AUTS2: variants seen among roughly 807,000 people sequenced by gnomAD.
AUTS2 encodes autism susceptibility gene 2 protein.
Under a neutral mutation model 112.4 loss-of-function variants are expected in AUTS2, and 17 were observed. The ratio of observed to expected loss-of-function variants is 0.15; its 90% CI spans 0.10 to 0.23. The LOEUF (loss-of-function observed/expected upper bound fraction) is 0.23. AUTS2 is among the 10% of genes least tolerant of loss of function. The pLI is 1.00. For missense variants in AUTS2, 1,510 were observed against 1,701.6 expected (o/e 0.89, Z 1.98); for synonymous variants, 751 against 702.7 (o/e 1.07, Z -1.09).
intron 4 of AUTS2, among the ~76,000 whole-genome samples, chr7:70,183,057 A>G (rs1360213701): frequency 6.6e-6 from 1 of 152,206 alleles, no homozygotes; most frequent in African/African-American, 2.4e-5. Flanking sequence ...GTGGTTTGAT[A>G]AATTATATCA....
intron 4 of AUTS2, among the ~76,000 whole-genome samples, chr7:70,355,640 T>C (rs1366805853): frequency 6.6e-6 from 1 of 152,154 alleles, no homozygotes; most frequent in Non-Finnish European, 1.5e-5. Context: ...CAGGTCTTTT[T>C]TCCCTGCCAG....
At chr7:70,341,549 A>G (rs746422647) in intron 4 of AUTS2, among the ~76,000 whole-genome samples, 2 of 152,196 alleles carry the variant, frequency 1.3e-5, no homozygotes, top group African/African-American at 4.8e-5. Context: ...AAAAACTGTG[A>G]TATTTTACTA....
At chr7:70,540,331 G>C (rs887421569) in intron 5 of AUTS2, among the ~76,000 whole-genome samples, 22 of 152,184 alleles carry the variant, frequency 1.4e-4, no homozygotes, top group Admixed American at 7.2e-4. Context: ...TAGCAGATAT[G>C]TGGGGAGCCT....
rs1324407316 is a variant in AUTS2, at chr7:70,789,938, G to A, written c.2722G>A (p.Glu908Lys). 1 of 1,613,952 alleles carries A rather than the reference G, an allele frequency of 6.2e-7. No individual in the cohort carries two copies. Among genetic ancestry groups the A allele is most frequent in the Non-Finnish European group, 8.5e-7 (1 of 1,179,996 alleles). The change falls in exon 19 of 19, where the codon GAG becomes AAG. Residue 908 changes from glutamate to lysine, a missense_variant. By Grantham distance (56) the Glu-to-Lys change is moderately conservative. Around this residue, in one of 3 missense-constraint regions of AUTS2, gnomAD observed 788 missense variants for 797.6 expected, o/e 0.99. Transcript: ENST00000342771. ...ATCCCGCAAGGACCTGGCCGCCGACGAGCACAAGGCGAAAGAGGGCCACCT... is the reference window on the plus strand; with the variant it reads ...ATCCCGCAAGGACCTGGCCGCCGACAAGCACAAGGCGAAAGAGGGCCACCT... ...SESRKDLAAD[E>K]HKAKEGHLPE...
chr7:70,426,774 A>G (rs992808104), intron 4 of AUTS2, among the ~76,000 whole-genome samples: 3 of 152,206 alleles, frequency 2.0e-5, no homozygotes, highest in African/African-American at 7.2e-5. Context: ...TAGCTAGCTC[A>G]TATCACTGCA....
In AUTS2 at chr7:69,730,982, A is replaced by G. The variant is rs997740761; in HGVS notation, c.309+131020A>G. ...ATTACTAGAAAAATAAACACTGGCA[A>G]TATAGATAGTGGTTAAAAAACATGG... is the stretch of plus-strand genomic sequence containing the variant. On this transcript the variant is annotated intron_variant, in intron 1 of 18. Coordinates refer to ENST00000342771, the MANE Select transcript of AUTS2 (RefSeq NM_015570.4). Among the ~76,000 whole-genome samples the G allele has an allele frequency of 2.6e-5, 4 of 152,192 alleles. No homozygotes were observed. In the East Asian group the frequency reaches 7.7e-4, roughly 29 times the overall value.
At chr7:69,770,570 A>G (rs578048524) in intron 1 of AUTS2, among the ~76,000 whole-genome samples, 3 of 151,954 alleles carry the variant, frequency 2.0e-5, no homozygotes, top group African/African-American at 4.8e-5. Flanking sequence ...GAGCTACATG[A>G]CATGTAGAGT....
chr7:70,100,184 T>C (rs889740189), intron 2 of AUTS2, among the ~76,000 whole-genome samples: 3 of 152,192 alleles, frequency 2.0e-5, no homozygotes, highest in African/African-American at 7.2e-5. Context: ...TTTACTGGCT[T>C]CCATATTAAT....
chr7:70,734,140 A>G (rs1787630194), intron 6 of AUTS2, among the ~76,000 whole-genome samples: 1 of 152,014 alleles, frequency 6.6e-6, no homozygotes, highest in African/African-American at 2.4e-5. Flanking sequence ...TCGTTTGTCC[A>G]GATACCATGA....
rs560410806 is a variant in AUTS2, at chr7:69,716,146, C to T, written c.309+116184C>T. ...AACTCCTGTCAAATGATAAGATTGA[C>T]ATTTTTCATTTTTGAAGTTCTAAAT... On this transcript the variant is annotated intron_variant, in intron 1 of 18. Coordinates refer to ENST00000342771, the MANE Select transcript of AUTS2 (RefSeq NM_015570.4). Among the ~76,000 whole-genome samples the T allele has an allele frequency of 2.6e-5, 4 of 152,164 alleles. No homozygotes were observed. In the South Asian group the frequency reaches 6.2e-4, roughly 24 times the overall value.
At chr7:70,268,709 G>A (rs1352199792) in intron 4 of AUTS2, among the ~76,000 whole-genome samples, 6 of 152,176 alleles carry the variant, frequency 3.9e-5, no homozygotes, top group Non-Finnish European at 8.8e-5. Context: ...TATAGTAGAA[G>A]CATAAGAAAT....
At chr7:70,136,302 A>T (rs1806558876) in intron 4 of AUTS2, among the ~76,000 whole-genome samples, 1 of 152,182 alleles carries the variant, frequency 6.6e-6, no homozygotes, top group Non-Finnish European at 1.5e-5. Flanking sequence ...ATTAGCTTAC[A>T]TGGAGAAGAT....
chr7:70,787,975 A>G (rs1325266874), intron 18 of AUTS2, among the ~76,000 whole-genome samples: 2 of 152,132 alleles, frequency 1.3e-5, no homozygotes, highest in Non-Finnish European at 2.9e-5. Flanking sequence ...GTCGACAAGC[A>G]GTTTTGGTTT....
At chr7:70,680,926 A>G (rs1808175095) in intron 5 of AUTS2, among the ~76,000 whole-genome samples, 1 of 152,200 alleles carries the variant, frequency 6.6e-6, no homozygotes, top group Non-Finnish European at 1.5e-5. Context: ...TGTTTTACTA[A>G]CACTTGTAAT....
intron 14 of AUTS2, among the ~76,000 whole-genome samples, chr7:70,780,026 T>TAAA (rs60802237): frequency 8.8e-5 from 12 of 137,086 alleles, no homozygotes; most frequent in African/African-American, 2.1e-4. Context: ...CTCATCTCTT[T>TAAA]AAAAAAAAAA....
chr7:70,784,802 C>A, intron 15 of AUTS2, 140 bp from the exon 16 acceptor site: 1 of 578,740 alleles, frequency 1.7e-6, no homozygotes, highest in Admixed American at 3.1e-5. Flanking sequence ...CTGTGTCTTG[C>A]CTGCAGGGGC....
intron 2 of AUTS2, among the ~76,000 whole-genome samples, chr7:70,107,098 G>GTTAA (rs1252743507): frequency 2.0e-5 from 3 of 152,088 alleles, no homozygotes; most frequent in Admixed American, 1.3e-4. Flanking sequence ...ATGCCAGGAT[G>GTTAA]AAGACTTCTT....
chr7:70,082,314 TAAA>T (rs1427094367), intron 2 of AUTS2, among the ~76,000 whole-genome samples: 2 of 152,208 alleles, frequency 1.3e-5, no homozygotes, highest in Non-Finnish European at 2.9e-5. Flanking sequence ...AAATTCATCT[TAAA>T]AACTTTTTCG....
At chr7:70,709,169 G>C (rs1472271919) in intron 6 of AUTS2, among the ~76,000 whole-genome samples, 1 of 151,582 alleles carries the variant, frequency 6.6e-6, no homozygotes, top group African/African-American at 2.4e-5. Flanking sequence ...CGCTCACCTC[G>C]GCCTCCCAAA....
Sources: allele counts gnomAD v4.1 joint callset (sites outside exome capture counted in the v4.1 genomes callset), GRCh38; gene constraint gnomAD v4.1.1; regional missense constraint gnomAD v4.1.1; transcripts MANE v1.5; gene names NCBI Gene and HGNC (gene_info 2026-07-23, HGNC 2026-07-21).